GRIK5: variants seen among roughly 807,000 people sequenced by gnomAD.
GRIK5 encodes glutamate receptor ionotropic, kainate 5.
A neutral mutation model predicts 97.4 loss-of-function variants in GRIK5; 43 were observed. That is an observed-to-expected ratio of 0.44 (90% CI 0.35 to 0.57). The LOEUF (loss-of-function observed/expected upper bound fraction) is 0.57, where lower values mean the gene tolerates loss of function less well. GRIK5 is among the 20% of genes least tolerant of loss of function. GRIK5 has a pLI of 0.01. For missense variants in GRIK5, 1,015 were observed against 1,382.0 expected (o/e 0.73, Z 4.21); for synonymous variants, 580 against 583.5 (o/e 0.99, Z 0.09).
chr19:42,053,474 C>T (rs1156247314), intron 11 of GRIK5, 128 bp downstream of exon 11: 38 of 634,452 alleles, frequency 6.0e-5, no homozygotes, highest in South Asian at 1.8e-4. Context: ...GGAGTTGCTG[C>T]GTGCAGGAAT....
chr19:42,062,638 C>A lies in GRIK5; in HGVS notation c.358G>T (p.Val120Leu). 1 of 1,614,112 alleles carries A rather than the reference C, an allele frequency of 6.2e-7. No individual in the cohort carries two copies. Among genetic ancestry groups the A allele is most frequent in the Non-Finnish European group, 8.5e-7 (1 of 1,180,004 alleles). ...CGEKEIPHIK[V>L]GPEETPRLQY... ...AGGCGGGGTGTCTCCTCGGGACCCA[C>A]CTTGATGTGGGGGATCTGGACAGAG... is the stretch of plus-strand genomic sequence containing the variant. The change falls in exon 5 of 20, where the codon GTG (valine) becomes TTG (leucine). Residue 120 changes from valine to leucine, a missense_variant. Physicochemically the swap from Val to Leu is conservative, Grantham distance 32 (BLOSUM62 1). Transcript: ENST00000593562. This position sits in a 1 kb window ranked among gnomAD's most constrained non-coding sequence, Gnocchi z 5.3.
In GRIK5 at chr19:42,062,519, G is replaced by C; in HGVS notation, c.477C>G (p.Pro159=). The change falls in exon 5 of 20, where the codon CCC becomes CCG. Residue 159 remains proline (P), a synonymous_variant. Transcript: ENST00000593562. This position sits in a 1 kb window ranked among gnomAD's most constrained non-coding sequence, Gnocchi z 5.3. The part of the protein sequence containing the change: ...VSRILKSFNY[P]SASLICAKAE... ...CCTTGGCGCAGATGAGGCTGGCCGA[G>C]GGGTAGTTGAAGGACTTGAGGATTC... 1 of 1,614,186 alleles carries C rather than the reference G, an allele frequency of 6.2e-7. No individual in the cohort carries two copies. The highest frequency in any genetic ancestry group is 8.5e-7 in the Non-Finnish European group (1 of 1,180,014).
At chr19:42,036,520 A>C (rs2075907463) in intron 12 of GRIK5, among the ~76,000 whole-genome samples, 1 of 152,032 alleles carries the variant, frequency 6.6e-6, no homozygotes, top group Non-Finnish European at 1.5e-5. Context: ...ACACTTGGCT[A>C]AATTTTTTCA....
intron 15 of GRIK5, among the ~76,000 whole-genome samples, chr19:42,016,246 C>G (rs2075622238): frequency 6.6e-6 from 1 of 152,108 alleles, no homozygotes; most frequent in African/African-American, 2.4e-5. Context: ...ATGATGAAAC[C>G]CCGTCTCTAC....
intron 11 of GRIK5, among the ~76,000 whole-genome samples, chr19:42,051,089 T>A (rs2076109969): frequency 6.6e-6 from 1 of 152,206 alleles, no homozygotes; most frequent in Non-Finnish European, 1.5e-5. Flanking sequence ...TACTCTTAAC[T>A]GCCACACTAG....
chr19:42,069,125 G>C, intron 1 of GRIK5, 116 bp downstream of exon 1: 1 of 422,484 alleles, frequency 2.4e-6, no homozygotes, highest in Non-Finnish European at 4.2e-6. Flanking sequence ...TAGTGGGGGA[G>C]GGTACTTGCC....
chr19:42,036,262 A>G (rs2075903451), intron 12 of GRIK5, among the ~76,000 whole-genome samples: 1 of 152,114 alleles, frequency 6.6e-6, no homozygotes, highest in South Asian at 2.1e-4. Flanking sequence ...GGGTTTCACC[A>G]TGTTGGCGGG....
intron 19 of GRIK5, among the ~76,000 whole-genome samples, chr19:42,000,675 C>T (rs1555870721): frequency 1.3e-5 from 2 of 152,148 alleles, no homozygotes; most frequent in Non-Finnish European, 2.9e-5. Context: ...GCGTCCACGC[C>T]CCTGTGTAAT....
Position 42,062,309 on chromosome 19 carries a change from T to C in GRIK5, c.508+179A>G, listed in dbSNP as rs2076269432. On this transcript the variant is annotated intron_variant, in intron 5 of 19. Coordinates refer to ENST00000593562, the MANE Select transcript of GRIK5 (RefSeq NM_002088.5). The surrounding 1 kb of genome is among the most constrained non-coding windows in gnomAD (Gnocchi z 5.3). ...CATCTGGGGACTAAATGGATCTCTTTGGGGAGAGAAGGGGTCTGTAGAACC... is the reference window on the plus strand; with the variant it reads ...CATCTGGGGACTAAATGGATCTCTTCGGGGAGAGAAGGGGTCTGTAGAACC... 6.6e-6 allele frequency among the ~76,000 whole-genome samples: 1 copy of C among 151,964 alleles called. No individual in the cohort carries two copies. Among genetic ancestry groups the C allele is most frequent in the African/African-American group, 2.4e-5 (1 of 41,374 alleles).
chr19:42,064,509 G>GCCATCTGCCTCCTCACCCTCCATC (rs2076302514), intron 3 of GRIK5, among the ~76,000 whole-genome samples: 1 of 151,882 alleles, frequency 6.6e-6, no homozygotes. Flanking sequence ...TGACTGGAAT[G>GCCATCTGCCTCCTCACCCTCCATC]CCATCTGCCT....
intron 12 of GRIK5, among the ~76,000 whole-genome samples, chr19:42,038,896 C>T (rs1471796550): frequency 6.6e-6 from 1 of 152,184 alleles, no homozygotes; most frequent in Non-Finnish European, 1.5e-5. Flanking sequence ...TCCGCCTATC[C>T]TTCACGCTCC....
Position 42,056,698 on chromosome 19 carries a change from C to T in GRIK5, c.867G>A (p.Arg289=). ...GGTAGGTGCTGGCTTCACAGTTCTC[C>T]CTCCAGGACATGTTGAGGCTGCGGA... is the stretch of plus-strand genomic sequence containing the variant. ...EFVRSLNMSW[R]ENCEASTYLG... is the part of the protein sequence containing the mutation. The change falls in exon 8 of 20, where the codon AGG becomes AGA. Residue 289 remains arginine (R), a synonymous_variant. Coordinates refer to ENST00000593562, the MANE Select transcript of GRIK5 (RefSeq NM_002088.5). 1.2e-6 allele frequency: 2 copies of T among 1,614,054 alleles called. No homozygotes were observed. The highest frequency in any genetic ancestry group is 1.7e-6 in the Non-Finnish European group (2 of 1,179,920).
Position 42,065,695 on chromosome 19 carries a change from T to C in GRIK5, c.76A>G (p.Met26Val), listed in dbSNP as rs2146188661. Residue 26 changes from methionine to valine, a missense_variant, in exon 2 of 20, where the codon ATG becomes GTG. By Grantham distance (21) the Met-to-Val change is conservative (BLOSUM62 1). Transcript: ENST00000593562. The surrounding 1 kb of genome is among the most constrained non-coding windows in gnomAD (Gnocchi z 5.8). ...PSCQVLSSLR[M>V]AAILDDQTVC... Reference sequence around the variant, plus strand: ...GCAGGGTGCGGGAGGGCCTCACCCATGCGCAGTGATGAGAGCACCTGGCAG... The same window carrying C: ...GCAGGGTGCGGGAGGGCCTCACCCACGCGCAGTGATGAGAGCACCTGGCAG... The C allele has an allele frequency of 4.4e-6, 7 of 1,587,148 alleles. No homozygotes were observed. The South Asian group carries it at 5.8e-5, about 13-fold the overall frequency.
At chr19:42,045,750 T>A (rs2146116860) in intron 11 of GRIK5, among the ~76,000 whole-genome samples, 1 of 152,318 alleles carries the variant, frequency 6.6e-6, no homozygotes, top group Admixed American at 6.5e-5. Context: ...GCAGCCAGCA[T>A]TTCTTGTGGG....
At chr19:42,060,387 TG>T (rs1445466881) in intron 5 of GRIK5, among the ~76,000 whole-genome samples, 1 of 152,002 alleles carries the variant, frequency 6.6e-6, no homozygotes, top group Non-Finnish European at 1.5e-5. Context: ...ATGCATTACA[TG>T]GTTAGAAATA....
At position 42,056,915 on chromosome 19, in the gene GRIK5, G is replaced by A. The variant is rs368216505; in HGVS notation, c.741+10C>T. On this transcript the variant is annotated intron_variant, in intron 7 of 19. Transcript: ENST00000593562. ...AGTGGGGGCAGAGATGGGCCAGAGG[G>A]CATACACACCATGGTGGTGAGGATG... 9.4e-6 allele frequency: 15 copies of A among 1,597,300 alleles called. No homozygotes were observed. In the African/African-American group the frequency reaches 1.7e-4, roughly 19 times the overall value.
Position 42,068,960 on chromosome 19 carries a change from G to C in GRIK5, c.-51+281C>G. The C allele has an allele frequency of 6.6e-6, 4 of 603,220 alleles. No individual in the cohort carries two copies. In the South Asian group the frequency reaches 7.6e-5, roughly 11 times the overall value. The allele number at this position is 603,220 out of a possible 1,614,324, so 37.4% of individuals were successfully genotyped here. On this transcript the variant is annotated intron_variant, in intron 1 of 19. Transcript: ENST00000593562. ...GGGGCACGGACATGCCAGGGGCCCG[G>C]GGTAAGTGAGAGCCCAAGTAAGAGC...
chr19:42,053,874 G>T lies in GRIK5; in HGVS notation c.1112C>A (p.Thr371Asn). Residue 371 changes from threonine to asparagine, a missense_variant, in exon 10 of 20, where the codon ACC becomes AAC. By Grantham distance (65) the Thr-to-Asn change is moderately conservative. Transcript: ENST00000593562. ...RVEFNSKGQR[T>N]NYTLRILEKS... ...TTCTAGGATGCGCAGGGTGTAGTTG[G>T]TTCTCTGCCCTTTGCTGTTGAACTC... 6.2e-7 allele frequency: 1 copy of T among 1,614,082 alleles called. No individual in the cohort carries two copies. The highest frequency in any genetic ancestry group is 2.2e-5 in the East Asian group (1 of 44,868).
chr19:42,024,952 C>T (rs2075751284), intron 12 of GRIK5, among the ~76,000 whole-genome samples: 1 of 152,164 alleles, frequency 6.6e-6, no homozygotes, highest in East Asian at 1.9e-4. Flanking sequence ...GCTGCTAAAC[C>T]ACAGGCGTTT....
Sources: gnomAD v4.1 joint callset for allele counts (sites outside exome capture counted in the v4.1 genomes callset) on GRCh38, gnomAD v4.1.1 for gene constraint, Gnocchi (gnomAD v3.1) non-coding constraint, MANE v1.5 for transcripts, NCBI Gene and HGNC (gene_info 2026-07-23, HGNC 2026-07-21) for gene names.